Variants in RAB3GAP1 observed in about 807,000 individuals in gnomAD.
RAB3GAP1 encodes the protein RAB3 GTPase activating protein catalytic subunit 1, also known as rab3 GTPase-activating protein catalytic subunit.
In RAB3GAP1, 86 loss-of-function variants were observed where a neutral mutation model predicts 130.7. That is an observed-to-expected ratio of 0.66 (90% CI 0.55 to 0.79). RAB3GAP1 has a LOEUF of 0.79. RAB3GAP1 is among the 30% of genes least tolerant of loss of function. The probability of loss-of-function intolerance (pLI) is 0.00; values close to 1 mark genes in which losing one functional copy is unlikely to be tolerated. For synonymous variants in RAB3GAP1, 367 were observed against 401.7 expected (o/e 0.91, Z 1.03); for missense variants, 1,029 against 1,169.4 (o/e 0.88, Z 1.75).
At chr2:135,162,457 G>A (rs961893928) in intron 19 of RAB3GAP1, 98 bp from the exon 20 acceptor site, 4 of 900,696 alleles carry the variant, frequency 4.4e-6, no homozygotes, top group Non-Finnish European at 7.2e-6. Flanking sequence ...GTCTTGTTAA[G>A]GATTAAGATG....
intron 3 of RAB3GAP1, among the ~76,000 whole-genome samples, chr2:135,066,520 G>A (rs889331305): frequency 1.3e-5 from 2 of 152,176 alleles, no homozygotes; most frequent in African/African-American, 4.8e-5. Context: ...TTTGCCAGTA[G>A]TTTTGGTATA....
intron 15 of RAB3GAP1, among the ~76,000 whole-genome samples, 168 bp from the exon 16 acceptor site, chr2:135,135,097 C>G (rs1261396976): frequency 6.6e-6 from 1 of 152,100 alleles, no homozygotes; most frequent in Admixed American, 6.6e-5. Context: ...AAATTTTCAT[C>G]TTTTAATTCT....
chr2:135,075,736 A>G (rs766430718), intron 3 of RAB3GAP1, among the ~76,000 whole-genome samples: 10 of 150,234 alleles, frequency 6.7e-5, no homozygotes, highest in Non-Finnish European at 1.2e-4. Context: ...GACGATCTCT[A>G]TCTACTCATT....
intron 18 of RAB3GAP1, 38 bp downstream of exon 18, chr2:135,150,544 G>A (rs764418599): frequency 2.5e-6 from 4 of 1,612,566 alleles, no homozygotes; most frequent in East Asian, 4.5e-5. Context: ...TCTATTTTGA[G>A]CTATTCTGGG....
intron 5 of RAB3GAP1, among the ~76,000 whole-genome samples, chr2:135,107,789 A>G (rs929784939): frequency 3.3e-5 from 5 of 151,988 alleles, no homozygotes; most frequent in African/African-American, 4.8e-5. Context: ...CCTGGCTAAC[A>G]TGGTGAAACC....
At chr2:135,064,582 G>A (rs1689263610) in intron 3 of RAB3GAP1, among the ~76,000 whole-genome samples, 2 of 151,984 alleles carry the variant, frequency 1.3e-5, no homozygotes, top group South Asian at 4.2e-4. Flanking sequence ...AAGTTTGTTT[G>A]AAACTTGAGT....
chr2:135,119,761 T>C (rs1691141423), intron 7 of RAB3GAP1, among the ~76,000 whole-genome samples: 1 of 152,184 alleles, frequency 6.6e-6, no homozygotes, highest in Non-Finnish European at 1.5e-5. Context: ...AAGTGTAGTC[T>C]CCTGAACAGC....
intron 3 of RAB3GAP1, chr2:135,089,965 A>G (rs1690098490): frequency 4.7e-6 from 1 of 214,348 alleles, no homozygotes; most frequent in South Asian, 4.6e-5. Context: ...GAGGGATAGC[A>G]TTAGGAGAAA....
At chr2:135,075,088 G>A (rs537244948) in intron 3 of RAB3GAP1, among the ~76,000 whole-genome samples, 107 of 152,266 alleles carry the variant, frequency 7.0e-4, no homozygotes, top group Admixed American at 1.2e-3. Context: ...TGGAATTTCA[G>A]TAAAATGTAA....
chr2:135,162,458 G>A (rs1692490479), intron 19 of RAB3GAP1, 97 bp from the exon 20 acceptor site: 4 of 907,824 alleles, frequency 4.4e-6, no homozygotes, highest in African/African-American at 1.6e-5. Flanking sequence ...TCTTGTTAAG[G>A]ATTAAGATGA....
At chr2:135,093,474 C>G in intron 4 of RAB3GAP1, 141 bp from the exon 5 acceptor site, 1 of 675,170 alleles carries the variant, frequency 1.5e-6, no homozygotes, top group East Asian at 2.7e-5. Flanking sequence ...TCCCTGTACT[C>G]AAGAGCTATC....
rs777546524 is a variant in RAB3GAP1 at position 135,168,540 on chromosome 2, T to C, written c.2710-5T>C. On this transcript the variant is annotated splice_region_variant and splice_polypyrimidine_tract_variant and intron_variant, in intron 23 of 23. Transcript: ENST00000264158. ...TTTTGACTTTAGCATTTGATTCTTT[T>C]CCAGGCTGCAGCTATGACTCCACCA... 6.2e-7 allele frequency: 1 copy of C among 1,613,122 alleles called. No individual in the cohort carries two copies. The highest frequency in any genetic ancestry group is 2.2e-5 in the East Asian group (1 of 44,872).
intron 7 of RAB3GAP1, among the ~76,000 whole-genome samples, chr2:135,117,573 TCTTCTTCTGCTTCTTCTTCTGCTG>T (rs1558784380): frequency 1.1e-4 from 8 of 70,366 alleles, no homozygotes; most frequent in Non-Finnish European, 1.8e-4. Flanking sequence ...TTCTTCTGCT[TCTTCTTCTGCTTCTTCTTCTGCTG>T]CTTCTTCTGC....
At chr2:135,102,332 G>A (rs1690470548) in intron 5 of RAB3GAP1, among the ~76,000 whole-genome samples, 1 of 152,210 alleles carries the variant, frequency 6.6e-6, no homozygotes, top group Non-Finnish European at 1.5e-5. Context: ...AGAGCATCCC[G>A]AAGGGACACA....
chr2:135,057,913 A>C, intron 2 of RAB3GAP1, 98 bp from the exon 3 acceptor site: 3 of 900,712 alleles, frequency 3.3e-6, no homozygotes, highest in Non-Finnish European at 5.3e-6. Flanking sequence ...TCTCTGGTCA[A>C]ATTGTTAAAA....
intron 19 of RAB3GAP1, among the ~76,000 whole-genome samples, chr2:135,158,858 A>T (rs1211525318): frequency 6.6e-6 from 1 of 152,262 alleles, no homozygotes; most frequent in Non-Finnish European, 1.5e-5. Context: ...AACACCACTT[A>T]ACATGCCATT....
chr2:135,128,003 ACTCT>A lies in RAB3GAP1; in HGVS notation c.973+1350_973+1353del, dbSNP rs1326739261. Among the ~76,000 whole-genome samples, 15 of 152,116 alleles carry A rather than the reference ACTCT, an allele frequency of 9.9e-5. No homozygotes were observed. In the East Asian group the frequency reaches 2.7e-3, roughly 27 times the overall value. ...CTTTATGTTCATCCATGCTACCTTA[ACTCT>A]CTATCACTTGATATATTACCATTTA... On this transcript the variant is annotated intron_variant, in intron 11 of 23. Coordinates refer to ENST00000264158, the MANE Select transcript of RAB3GAP1 (RefSeq NM_012233.3).
intron 3 of RAB3GAP1, among the ~76,000 whole-genome samples, chr2:135,063,163 A>T (rs980455273): frequency 4.6e-5 from 7 of 152,196 alleles, no homozygotes; most frequent in Non-Finnish European, 1.0e-4. Context: ...CATAAGACTG[A>T]GTAAATTATT....
intron 7 of RAB3GAP1, among the ~76,000 whole-genome samples, chr2:135,117,489 T>TCTTCTTCTG (rs1558784174): frequency 1.6e-5 from 2 of 123,348 alleles, no homozygotes; most frequent in African/African-American, 6.4e-5. Flanking sequence ...TTCTGCTTCT[T>TCTTCTTCTG]CTTCTGCTTC....
Sources: gnomAD v4.1 joint callset for allele counts (sites outside exome capture counted in the v4.1 genomes callset) on GRCh38, gnomAD v4.1.1 for gene constraint, MANE v1.5 for transcripts, NCBI Gene and HGNC (gene_info 2026-07-23, HGNC 2026-07-21) for gene names.